The following LPL variants were observed in gnomAD, a reference collection of about 807,000 sequenced individuals.
LPL encodes the protein lipoprotein lipase.
In LPL, 43 loss-of-function variants were observed where a neutral mutation model predicts 52.2. The ratio of observed to expected loss-of-function variants is 0.82; its 90% CI spans 0.64 to 1.06. The LOEUF (loss-of-function observed/expected upper bound fraction) is 1.06, where lower values mean the gene tolerates loss of function less well. Ranked by LOEUF, LPL falls within the 50% of genes least tolerant of loss-of-function variation. The pLI is 0.00. For synonymous variants in LPL, 244 were observed against 215.6 expected (o/e 1.13, Z -1.15); for missense variants, 639 against 585.3 (o/e 1.09, Z -0.95).
rs2069865907 is a variant in LPL at position 19,944,379 on chromosome 8, G to A, written c.89-3801G>A. On this transcript the variant is annotated intron_variant, in intron 1 of 9. Coordinates refer to ENST00000650287, the MANE Select transcript of LPL (RefSeq NM_000237.3). The surrounding 1 kb of genome is among the most constrained non-coding windows in gnomAD (Gnocchi z 4.2). ...ATATCCTACAGACACTGCCTGAGTC[G>A]ATAACTATGACTATCAGTCTCAGAG... is the stretch of plus-strand genomic sequence containing the variant. Among the ~76,000 whole-genome samples, 1 of 148,364 alleles carries A rather than the reference G, an allele frequency of 6.7e-6. No individual in the cohort carries two copies. The highest frequency in any genetic ancestry group is 6.9e-5 in the Admixed American group (1 of 14,492).
In LPL at chr8:19,951,133, G is replaced by A. The variant is rs531579620; in HGVS notation, c.250-636G>A. The stretch of plus-strand genomic sequence containing the variant: ...AGACACCCAAAGGAATGCTTAGCAT[G>A]TAGCATGCATGTGATACATCCCAGC... On this transcript the variant is annotated intron_variant, in intron 2 of 9. Coordinates refer to ENST00000650287, the MANE Select transcript of LPL (RefSeq NM_000237.3). 4.6e-5 allele frequency among the ~76,000 whole-genome samples: 7 copies of A among 152,318 alleles called. No individual in the cohort carries two copies. In the South Asian group the frequency reaches 1.5e-3, roughly 32 times the overall value.
At chr8:19,941,379 G>C (rs2069837690) in intron 1 of LPL, among the ~76,000 whole-genome samples, 1 of 152,164 alleles carries the variant, frequency 6.6e-6, no homozygotes, top group South Asian at 2.1e-4. Flanking sequence ...TCACATTCAA[G>C]TTTTTCCTAG....
chr8:19,954,152 G>A lies in LPL; in HGVS notation c.574G>A (p.Ala192Thr), dbSNP rs1455481950. The A allele has an allele frequency of 5.6e-6, 9 of 1,614,160 alleles. No individual in the cohort carries two copies. The highest frequency in any genetic ancestry group is 6.8e-6 in the Non-Finnish European group (8 of 1,180,022). ...LDPAGPNFEY[A>T]EAPSRLSPDD... ...TCCAGCTGGACCTAACTTTGAGTAT[G>A]CAGAAGCCCCGAGTCGTCTTTCTCC... Residue 192 changes from alanine (A) to threonine (T), a missense_variant, in exon 5 of 10, where the codon GCA becomes ACA. Ala to Thr is a moderately conservative substitution (Grantham distance 58). Coordinates refer to ENST00000650287, the MANE Select transcript of LPL (RefSeq NM_000237.3).
Position 19,939,301 on chromosome 8 carries a change from C to A in LPL, c.-140C>A. 1 of 717,326 alleles carries A rather than the reference C, an allele frequency of 1.4e-6. No homozygotes were observed. The highest frequency in any genetic ancestry group is 2.4e-6 in the Non-Finnish European group (1 of 417,420). The allele number at this position is 717,326 out of a possible 1,614,324, so 44.4% of individuals were successfully genotyped here. A position where few individuals can be genotyped will look rare whatever the true frequency, so the allele number is the denominator to read the frequency against. On this transcript the variant is annotated 5_prime_UTR_variant, in exon 1 of 10. Coordinates refer to ENST00000650287, the MANE Select transcript of LPL (RefSeq NM_000237.3). This position sits in a 1 kb window ranked among gnomAD's most constrained non-coding sequence, Gnocchi z 4.0. ...CTCCTCCTCAAGGGAAAGCTGCCCA[C>A]TTCTAGCTGCCCTGCCATCCCCTTT...
At chr8:19,959,532 A>G in intron 7 of LPL, 152 bp downstream of exon 7, 1 of 976,790 alleles carries the variant, frequency 1.0e-6, no homozygotes, top group Non-Finnish European at 1.5e-6. Flanking sequence ...CCTCTATTTG[A>G]TATTGAGAAA....
rs547783247 is a variant in LPL at position 19,946,489 on chromosome 8, T to C, written c.89-1691T>C. 191 of 205,142 alleles carry C rather than the reference T, an allele frequency of 9.3e-4. 3 individuals carry two copies. The highest frequency in any genetic ancestry group is 8.6e-3 in the South Asian group (157 of 18,334). 12.7% of individuals were successfully genotyped at this position (205,142 alleles called of 1,614,324 possible). A position where few individuals can be genotyped will look rare whatever the true frequency, so the allele number is the denominator to read the frequency against. On this transcript the variant is annotated intron_variant, in intron 1 of 9. Coordinates refer to ENST00000650287, the MANE Select transcript of LPL (RefSeq NM_000237.3). Reference sequence around the variant, plus strand: ...AAGGCTGATTCAAATGCCTATTCTTTCACTGTTCTCACTATGACACTCTTA... The same window carrying C: ...AAGGCTGATTCAAATGCCTATTCTTCCACTGTTCTCACTATGACACTCTTA...
chr8:19,951,857 G>A lies in LPL; in HGVS notation c.338G>A (p.Trp113Ter). 6.2e-7 allele frequency: 1 copy of A among 1,614,148 alleles called. No individual in the cohort carries two copies. The highest frequency in any genetic ancestry group is 1.6e-4 in the Middle Eastern group (1 of 6,062). Residue 113 changes from tryptophan to a stop codon, truncating the protein, a stop_gained, in exon 3 of 10, where the codon TGG becomes TAG. Transcript: ENST00000650287. LOFTEE classifies it high-confidence loss of function. Reference sequence around the variant, plus strand: ...GACTCCAATGTCATTGTGGTGGACTGGCTGTCACGGGCTCAGGAGCATTAC... The same window carrying A: ...GACTCCAATGTCATTGTGGTGGACTAGCTGTCACGGGCTCAGGAGCATTAC... The part of the protein sequence containing the change: ...EPDSNVIVVD[W>*]LSRAQEHYPV...
chr8:19,966,581 A>C lies in LPL; in HGVS notation c.*1271A>C, dbSNP rs531801573. 5.9e-5 allele frequency: 9 copies of C among 152,368 alleles called. No homozygotes were observed. The South Asian group carries it at 1.9e-3, about 32-fold the overall frequency. 9.4% of individuals were successfully genotyped at this position (152,368 alleles called of 1,614,324 possible). A position where few individuals can be genotyped will look rare whatever the true frequency, so the allele number is the denominator to read the frequency against. On this transcript the variant is annotated 3_prime_UTR_variant, in exon 10 of 10. Transcript: ENST00000650287. The stretch of plus-strand genomic sequence containing the variant: ...AAAGATGTCAAATATCTCAGAGGCT[A>C]TAGCTGGGAACCCGACTGTGAAAGT...
At position 19,939,270 on chromosome 8, in the gene LPL, CT is replaced by C; in HGVS notation, c.-170del. On this transcript the variant is annotated 5_prime_UTR_variant, in exon 1 of 10. Transcript: ENST00000650287. This position sits in a 1 kb window ranked among gnomAD's most constrained non-coding sequence, Gnocchi z 4.0. Reference sequence around the variant, plus strand: ...AAAACAGTGTCAGACTCGATTCCCCCTCTTCCTCCTCCTCAAGGGAAAGCTG... The same window carrying C: ...AAAACAGTGTCAGACTCGATTCCCCCCTTCCTCCTCCTCAAGGGAAAGCTG... 1.6e-6 allele frequency: 1 copy of C among 624,950 alleles called. No homozygotes were observed. The highest frequency in any genetic ancestry group is 2.9e-6 in the Non-Finnish European group (1 of 349,922). The allele number at this position is 624,950 out of a possible 1,614,324, so 38.7% of individuals were successfully genotyped here.
At position 19,944,447 on chromosome 8, in the gene LPL, A is replaced by AGG. The variant is rs1359666304; in HGVS notation, c.89-3728_89-3727dup. ...GGAAGCCCTGTAGGAGTGAGAGAAA[A>AGG]GGGGGGAGAGAGAGAGAAAGGGGTG... On this transcript the variant is annotated intron_variant, in intron 1 of 9. Transcript: ENST00000650287. The surrounding 1 kb of genome is among the most constrained non-coding windows in gnomAD (Gnocchi z 4.2). Among the ~76,000 whole-genome samples, 2 of 137,160 alleles carry AGG rather than the reference A, an allele frequency of 1.5e-5. No individual in the cohort carries two copies. Among genetic ancestry groups the AGG allele is most frequent in the Admixed American group, 7.5e-5 (1 of 13,346 alleles). 90.0% of individuals were successfully genotyped at this position (137,160 alleles called of 152,430 possible). A position where few individuals can be genotyped will look rare whatever the true frequency, so the allele number is the denominator to read the frequency against.
chr8:19,955,726 T>C (rs2069978293), intron 5 of LPL, 115 bp from the exon 6 acceptor site: 5 of 1,347,218 alleles, frequency 3.7e-6, no homozygotes, highest in African/African-American at 1.4e-5. Context: ...CACAGGACTA[T>C]ATCCTTGGGT....
At chr8:19,959,721 C>T (rs919638209) in intron 7 of LPL, among the ~76,000 whole-genome samples, 1 of 137,510 alleles carries the variant, frequency 7.3e-6, no homozygotes, top group African/African-American at 2.7e-5. Context: ...TATAGATGTA[C>T]ATATAATATG....
At chr8:19,956,117 A>C in intron 6 of LPL, 34 bp downstream of exon 6, 1 of 1,613,312 alleles carries the variant, frequency 6.2e-7, no homozygotes, top group Non-Finnish European at 8.5e-7. Context: ...AAGGAAACCA[A>C]GGAGTCCTAT....
intron 9 of LPL, 52 bp from the exon 10 acceptor site, chr8:19,965,258 G>A: frequency 1.3e-6 from 1 of 778,624 alleles, no homozygotes; most frequent in South Asian, 1.3e-5. Flanking sequence ...GGCGGGAATT[G>A]TAAAACACTC....
chr8:19,951,763 C>G lies in LPL; in HGVS notation c.250-6C>G. ...ATTTTAAGAAAGCTTGTGTCATCAT[C>G]TTCAGGTAACAGGAATGTATGAGAG... On this transcript the variant is annotated splice_region_variant and splice_polypyrimidine_tract_variant and intron_variant, in intron 2 of 9. Transcript: ENST00000650287. 1 of 1,614,108 alleles carries G rather than the reference C, an allele frequency of 6.2e-7. No individual in the cohort carries two copies. Among genetic ancestry groups the G allele is most frequent in the Non-Finnish European group, 8.5e-7 (1 of 1,179,988 alleles).
Position 19,953,361 on chromosome 8 carries a change from G to A in LPL, c.481G>A (p.Gly161Arg). 6.2e-7 allele frequency: 1 copy of A among 1,613,974 alleles called. No individual in the cohort carries two copies. Among genetic ancestry groups the A allele is most frequent in the Non-Finnish European group, 8.5e-7 (1 of 1,179,900 alleles). The part of the protein sequence containing the change: ...DNVHLLGYSL[G>R]AHAAGIAGSL... ...TGTCCATCTCTTGGGATACAGCCTT[G>A]GAGCCCATGCTGCTGGCATTGCAGG... Residue 161 changes from glycine (G) to arginine (R), a missense_variant, in exon 4 of 10, where the codon GGA becomes AGA. By Grantham distance (125) the Gly-to-Arg change is moderately radical. Coordinates refer to ENST00000650287, the MANE Select transcript of LPL (RefSeq NM_000237.3).
chr8:19,962,428 T>C (rs1788364352), intron 9 of LPL, among the ~76,000 whole-genome samples: 1 of 152,202 alleles, frequency 6.6e-6, no homozygotes, highest in African/African-American at 2.4e-5. Flanking sequence ...TTTCTCCTCT[T>C]GTTTCTCCCA....
In LPL at chr8:19,939,701, G is replaced by C. The variant is rs994464743; in HGVS notation, c.88+173G>C. 2.6e-5 allele frequency among the ~76,000 whole-genome samples: 4 copies of C among 152,188 alleles called. No individual in the cohort carries two copies. The highest frequency in any genetic ancestry group is 9.6e-5 in the African/African-American group (4 of 41,468). ...CCCGGAGTGGGATCCAGGAGGGGCC[G>C]GGAGGGAATCTCCTCCCGATCGTGA... On this transcript the variant is annotated intron_variant, in intron 1 of 9. Transcript: ENST00000650287. This position sits in a 1 kb window ranked among gnomAD's most constrained non-coding sequence, Gnocchi z 4.0.
intron 5 of LPL, 46 bp downstream of exon 5, chr8:19,954,399 C>T: frequency 6.5e-7 from 1 of 1,547,050 alleles, no homozygotes; most frequent in Non-Finnish European, 8.9e-7. Flanking sequence ...TTATCCTTAA[C>T]CCTTATTGAC....
Sources: gnomAD v4.1 joint callset for allele counts (sites outside exome capture counted in the v4.1 genomes callset) on GRCh38, gnomAD v4.1.1 for gene constraint, Gnocchi (gnomAD v3.1) non-coding constraint, MANE v1.5 for transcripts, NCBI Gene and HGNC (gene_info 2026-07-23, HGNC 2026-07-21) for gene names.